The following MID1 variants were observed in gnomAD, a reference collection of about 807,000 sequenced individuals.
MID1 encodes midline 1, also known as E3 ubiquitin-protein ligase Midline-1.
A neutral mutation model predicts 40.4 loss-of-function variants in MID1; 7 were observed. That is an observed-to-expected ratio of 0.17 (90% CI 0.10 to 0.33). The LOEUF is 0.33. MID1 is among the 10% of genes least tolerant of loss of function. The pLI is 1.00. For synonymous variants in MID1, 229 were observed against 221.2 expected (o/e 1.04, Z -0.31); for missense variants, 367 against 558.5 (o/e 0.66, Z 3.46).
chrX:10,831,626 A>G (rs1372481366), intron 1 of MID1, among the ~76,000 whole-genome samples: 1 of 111,607 alleles, frequency 9.0e-6, no homozygotes, highest in Non-Finnish European at 1.9e-5. Flanking sequence ...AGTGTTAAAT[A>G]CCATAAACAA....
At chrX:10,684,120 T>A (rs1462300817) in intron 1 of MID1, among the ~76,000 whole-genome samples, 2 of 110,725 alleles carry the variant, frequency 1.8e-5, no homozygotes, top group African/African-American at 6.6e-5. Context: ...TTTTGTTTGT[T>A]TGTTTGTAAG....
chrX:10,719,551 T>C lies in MID1; in HGVS notation c.-186-99132A>G, dbSNP rs1431841193. Among the ~76,000 whole-genome samples, 22 of 111,177 alleles carry C rather than the reference T, an allele frequency of 2.0e-4. No individual in the cohort carries two copies. In the South Asian group the frequency reaches 6.0e-3, roughly 31 times the overall value. Reference sequence around the variant, plus strand: ...CACTGCTCAATGAAATAAAAGAGGATACAAACAAATGGAAGAACATTCCAT... The same window carrying C: ...CACTGCTCAATGAAATAAAAGAGGACACAAACAAATGGAAGAACATTCCAT... On this transcript the variant is annotated intron_variant, in intron 1 of 10. Coordinates refer to the MID1 transcript ENST00000380785.
At chrX:10,790,160 C>G (rs1391844280) in intron 1 of MID1, among the ~76,000 whole-genome samples, 1 of 109,715 alleles carries the variant, frequency 9.1e-6, no homozygotes, top group African/African-American at 3.4e-5. Context: ...ATTTCCTTTC[C>G]TGCTCTGCTT....
intron 7 of MID1, among the ~76,000 whole-genome samples, chrX:10,464,019 C>T (rs1929198617): frequency 8.9e-6 from 1 of 112,208 alleles, no homozygotes; most frequent in Admixed American, 9.4e-5. Context: ...CATCCTGATA[C>T]AAACAACCCG....
chrX:10,752,897 C>T (rs906507690), intron 1 of MID1, among the ~76,000 whole-genome samples: 1 of 112,288 alleles, frequency 8.9e-6, no homozygotes, highest in Non-Finnish European at 1.9e-5. Flanking sequence ...CCCTACCTGT[C>T]GTGCAAATCC....
At chrX:10,656,605 G>T (rs1346697221) in intron 1 of MID1, among the ~76,000 whole-genome samples, 1 of 111,534 alleles carries the variant, frequency 9.0e-6, no homozygotes, top group Non-Finnish European at 1.9e-5. Flanking sequence ...AACCCTTTCT[G>T]GCCTATTCTG....
rs6654926 is a variant in MID1, at chrX:10,604,517, A to G, written c.-57+15773T>C. Among the ~76,000 whole-genome samples the G allele has an allele frequency of 1.9e-3, 215 of 112,358 alleles. 1 individual carries two copies. Among genetic ancestry groups the G allele is most frequent in the African/African-American group, 6.7e-3 (208 of 31,004 alleles). On this transcript the variant is annotated intron_variant, in intron 1 of 9. Coordinates refer to ENST00000317552, the MANE Select transcript of MID1 (RefSeq NM_000381.4). The stretch of plus-strand genomic sequence containing the variant: ...TCTTGAAATTATGTTTTCTTGGTTC[A>G]AAGTTATAAATCTCAAAGCTGTATA...
rs752495219 is a variant in MID1, at chrX:10,518,883, T to C, written c.756+4209A>G. 3.6e-5 allele frequency among the ~76,000 whole-genome samples: 4 copies of C among 111,997 alleles called. No individual in the cohort carries two copies. The South Asian group carries it at 1.5e-3, about 42-fold the overall frequency. ...CACTACAATCAATTCAGTAATAGCT[T>C]TATTTGAAAAGCCTGTATTGCAACT... On this transcript the variant is annotated intron_variant, in intron 3 of 9. Coordinates refer to ENST00000317552, the MANE Select transcript of MID1 (RefSeq NM_000381.4).
At chrX:10,572,014 T>G (rs894763318) in intron 1 of MID1, among the ~76,000 whole-genome samples, 1 of 109,143 alleles carries the variant, frequency 9.2e-6, no homozygotes, top group Non-Finnish European at 1.9e-5. Flanking sequence ...AGGTAAAGTA[T>G]GAAGTGGGTT....
chrX:10,535,556 A>G (rs1253390142), intron 2 of MID1, among the ~76,000 whole-genome samples: 6 of 111,737 alleles, frequency 5.4e-5, no homozygotes, highest in African/African-American at 2.0e-4. Flanking sequence ...GACTTTTTAT[A>G]CTTGAAAATA....
upstream of MID1, among the ~76,000 whole-genome samples, chrX:10,623,009 C>T (rs940112245): frequency 1.9e-5 from 2 of 103,060 alleles, no homozygotes; most frequent in Non-Finnish European, 3.9e-5. Flanking sequence ...TTTTGAAGGC[C>T]GAGGAGGGCG....
chrX:10,732,290 T>C (rs1486336507), intron 1 of MID1, among the ~76,000 whole-genome samples: 1 of 111,968 alleles, frequency 8.9e-6, no homozygotes, highest in African/African-American at 3.2e-5. Flanking sequence ...ATTGTTTATA[T>C]GAAAAATTCT....
chrX:10,565,807 ATTTTTT>A (rs1172327892), intron 2 of MID1, among the ~76,000 whole-genome samples: 2 of 86,990 alleles, frequency 2.3e-5, no homozygotes, highest in African/African-American at 8.8e-5. Flanking sequence ...TTAGAGAGTG[ATTTTTT>A]TTTTTTTTTT....
chrX:10,516,186 CTCTT>C (rs1225692125), intron 3 of MID1, among the ~76,000 whole-genome samples: 2 of 94,186 alleles, frequency 2.1e-5, no homozygotes, highest in Non-Finnish European at 4.1e-5. Flanking sequence ...CCTGAAGTTG[CTCTT>C]TTTTTTTTTT....
At chrX:10,626,051 T>C (rs774224988) in intron 1 of MID1, among the ~76,000 whole-genome samples, 2 of 110,788 alleles carry the variant, frequency 1.8e-5, no homozygotes, top group Non-Finnish European at 3.8e-5. Flanking sequence ...TACACATAAA[T>C]ATAAGCAATA....
At position 10,540,311 on chromosome X, in the gene MID1, T is replaced by C. The variant is rs778658874; in HGVS notation, c.661-17124A>G. Among the ~76,000 whole-genome samples the C allele has an allele frequency of 1.2e-4, 13 of 112,270 alleles. No individual in the cohort carries two copies. The South Asian group carries it at 4.9e-3, about 42-fold the overall frequency. On this transcript the variant is annotated intron_variant, in intron 2 of 9. Coordinates refer to ENST00000317552, the MANE Select transcript of MID1 (RefSeq NM_000381.4). ...TGTTTCAAGATCTGGGAAATTTCCATATTCTTCCTAACACCAAGTACTTAA... is the reference window on the plus strand; with the variant it reads ...TGTTTCAAGATCTGGGAAATTTCCACATTCTTCCTAACACCAAGTACTTAA...
intron 1 of MID1, among the ~76,000 whole-genome samples, chrX:10,752,439 C>T (rs941476445): frequency 1.8e-5 from 2 of 112,061 alleles, no homozygotes; most frequent in African/African-American, 3.2e-5. Flanking sequence ...CTGTGCCTCA[C>T]ATTGGTACCT....
intron 1 of MID1, among the ~76,000 whole-genome samples, chrX:10,641,410 G>T (rs984135145): frequency 1.8e-5 from 2 of 111,853 alleles, no homozygotes; most frequent in Non-Finnish European, 1.9e-5. Flanking sequence ...AAATAAACTA[G>T]AAAATCTAGA....
At chrX:10,611,124 T>C (rs746933396) in intron 1 of MID1, among the ~76,000 whole-genome samples, 1 of 112,074 alleles carries the variant, frequency 8.9e-6, no homozygotes, top group Non-Finnish European at 1.9e-5. Flanking sequence ...TTGTGGGCTT[T>C]TGCCTCATTA....
Sources: gnomAD v4.1 joint callset for allele counts (sites outside exome capture counted in the v4.1 genomes callset) on GRCh38, gnomAD v4.1.1 for gene constraint, MANE v1.5 for transcripts, NCBI Gene and HGNC (gene_info 2026-07-23, HGNC 2026-07-21) for gene names.